The following RNF6 variants were observed in gnomAD, a reference collection of about 807,000 sequenced individuals.
RNF6 encodes the protein E3 ubiquitin-protein ligase RNF6.
In RNF6, 21 loss-of-function variants were observed where a neutral mutation model predicts 50.1. That is an observed-to-expected ratio of 0.42 (90% CI 0.30 to 0.60). The LOEUF is 0.60. Ranked by LOEUF, RNF6 falls within the 20% of genes least tolerant of loss-of-function variation. The probability of loss-of-function intolerance (pLI) is 0.20; values close to 1 mark genes in which losing one functional copy is unlikely to be tolerated. For synonymous variants in RNF6, 255 were observed against 291.8 expected, an observed-to-expected ratio of 0.87 and a Z score of 1.29; for missense variants, 698 against 838.2, an observed-to-expected ratio of 0.83 and a Z score of 2.07.
intron 5 of RNF6, among the ~76,000 whole-genome samples, chr13:26,201,270 G>A (rs963501630): frequency 2.0e-5 from 3 of 152,144 alleles, no homozygotes; most frequent in Admixed American, 6.5e-5. Context: ...GTGATTTCTC[G>A]TAAAGCTAGC....
At chr13:26,187,205 C>G (rs1424337544) in intron 5 of RNF6, among the ~76,000 whole-genome samples, 3 of 146,676 alleles carry the variant, frequency 2.0e-5, no homozygotes, top group Non-Finnish European at 4.6e-5. Flanking sequence ...TTGGGCGCCT[C>G]TGCTCCTGGC....
chr13:26,166,925 A>G (rs1267786717), intron 5 of RNF6, among the ~76,000 whole-genome samples: 1 of 152,236 alleles, frequency 6.6e-6, no homozygotes, highest in Non-Finnish European at 1.5e-5. Flanking sequence ...CTGTGTCTCA[A>G]AAACATCACT....
At chr13:26,219,315 A>G in intron 3 of RNF6, 142 bp downstream of exon 3, 1 of 693,476 alleles carries the variant, frequency 1.4e-6, no homozygotes, top group Non-Finnish European at 2.3e-6. Context: ...TTATTATACT[A>G]AAAAGTTCTT....
intron 5 of RNF6, among the ~76,000 whole-genome samples, chr13:26,193,474 A>C (rs564183054): frequency 7.6e-4 from 116 of 152,310 alleles, no homozygotes; most frequent in African/African-American, 2.7e-3. Flanking sequence ...AGGATTTAGA[A>C]ACCTGGTAGA....
chr13:26,160,535 C>CTTTTTTTTTTTTTTTTTT lies in RNF6; in HGVS notation n.769-28085_769-28084insAAAAAAAAAAAAAAAAAA, dbSNP rs1566414092. Reference sequence around the variant, plus strand: ...CACTGCATCCAGCCTATCTTCTTCTCTTCTTCTTCTTTTTTTTTTTTTTTT... The same window carrying CTTTTTTTTTTTTTTTTTT: ...CACTGCATCCAGCCTATCTTCTTCTCTTTTTTTTTTTTTTTTTTTTCTTCTTCTTTTTTTTTTTTTTTT... On this transcript the variant is annotated intron_variant and non_coding_transcript_variant, in intron 5 of 5. Transcript: ENST00000468480. 7.6e-5 allele frequency among the ~76,000 whole-genome samples: 2 copies of CTTTTTTTTTTTTTTTTTT among 26,264 alleles called. 1 individual carries two copies. Among genetic ancestry groups the CTTTTTTTTTTTTTTTTTT allele is most frequent in the African/African-American group, 2.7e-4 (2 of 7,508 alleles). The allele number at this position is 26,264 out of a possible 152,430, so 17.2% of individuals were successfully genotyped here. A position where few individuals can be genotyped will look rare whatever the true frequency, so the allele number is the denominator to read the frequency against.
In RNF6 at chr13:26,219,598, G is replaced by T. The variant is rs753763791; in HGVS notation, c.52C>A (p.Gln18Lys). The change falls in exon 3 of 5, where the codon CAA (glutamine) becomes AAA (lysine). Residue 18 changes from glutamine to lysine, a missense_variant. Transcript: ENST00000381588. The stretch of plus-strand genomic sequence containing the variant: ...TCATTTTCATGATGATTATGGTCTT[G>T]AGGTAAGGTTTCTTCACTGCCACCA... The part of the protein sequence containing the change: ...SDGGSEETLP[Q>K]DHNHHENERR... 6.2e-7 allele frequency: 1 copy of T among 1,613,768 alleles called. No individual in the cohort carries two copies. Among genetic ancestry groups the T allele is most frequent in the African/African-American group, 1.3e-5 (1 of 74,890 alleles).
intron 5 of RNF6, among the ~76,000 whole-genome samples, chr13:26,164,970 G>C (rs553444701): frequency 6.6e-6 from 1 of 152,120 alleles, no homozygotes; most frequent in Non-Finnish European, 1.5e-5. Context: ...ACAATGAGCC[G>C]AATGTTAATC....
chr13:26,213,978 CA>C lies in RNF6; in HGVS notation c.1903del (p.Cys635ValfsTer6). The C allele has an allele frequency of 3.1e-6, 5 of 1,614,170 alleles. No homozygotes were observed. Among genetic ancestry groups the C allele is most frequent in the Non-Finnish European group, 4.2e-6 (5 of 1,180,022 alleles). The part of the protein sequence containing the change: ...DSELGKICSV[C>X]ISDYVTGNKL... ...GTTTCCAGTTACATAGTCACTAATA[CA>C]AACACTACAGATTTTACCTAGTTCA... On this transcript the variant is annotated frameshift_variant, in exon 5 of 5. Coordinates refer to ENST00000381588, the MANE Select transcript of RNF6 (RefSeq NM_005977.4). LOFTEE classifies it high-confidence loss of function.
chr13:26,205,506 G>A (rs981896281), intron 5 of RNF6, among the ~76,000 whole-genome samples: 5 of 152,154 alleles, frequency 3.3e-5, no homozygotes, highest in African/African-American at 1.2e-4. Flanking sequence ...CCTCAGGTGG[G>A]TGTGGTAATT....
chr13:26,173,949 CA>C lies in RNF6; in HGVS notation n.769-41499del, dbSNP rs10674426. On this transcript the variant is annotated intron_variant and non_coding_transcript_variant, in intron 5 of 5. Coordinates refer to the RNF6 transcript ENST00000468480. ...CTGGCAACAGAGCGAGACTCCGTCTCAAAAAAAAAAAAAAAAGCAAAGAAAA... is the reference window on the plus strand; with the variant it reads ...CTGGCAACAGAGCGAGACTCCGTCTCAAAAAAAAAAAAAAAGCAAAGAAAA... Among the ~76,000 whole-genome samples, 252 of 117,908 alleles carry C rather than the reference CA, an allele frequency of 2.1e-3. 1 individual carries two copies. The highest frequency in any genetic ancestry group is 2.6e-3 in the African/African-American group (80 of 30,672). 77.4% of individuals were successfully genotyped at this position (117,908 alleles called of 152,430 possible).
chr13:26,178,345 G>A (rs1042994426), intron 5 of RNF6, among the ~76,000 whole-genome samples: 1 of 152,120 alleles, frequency 6.6e-6, no homozygotes, highest in Admixed American at 6.6e-5. Flanking sequence ...CCTTCTCACT[G>A]TGTCCTCATG....
At chr13:26,178,212 C>T (rs1265720077) in intron 5 of RNF6, among the ~76,000 whole-genome samples, 1 of 151,998 alleles carries the variant, frequency 6.6e-6, no homozygotes, top group African/African-American at 2.4e-5. Context: ...AAATAAAATC[C>T]CTTAATTGAG....
chr13:26,218,289 C>G (rs1870101830), intron 4 of RNF6, among the ~76,000 whole-genome samples: 1 of 152,116 alleles, frequency 6.6e-6, no homozygotes, highest in Non-Finnish European at 1.5e-5. Context: ...TTACATAAAG[C>G]TCTCTGAAGG....
At chr13:26,186,308 G>A (rs560138838) in intron 5 of RNF6, among the ~76,000 whole-genome samples, 1 of 152,370 alleles carries the variant, frequency 6.6e-6, no homozygotes, top group Non-Finnish European at 1.5e-5. Context: ...CAGGGCGCGT[G>A]GAGCTTTGAG....
At chr13:26,206,355 G>A (rs373806297) in intron 5 of RNF6, among the ~76,000 whole-genome samples, 1 of 152,210 alleles carries the variant, frequency 6.6e-6, no homozygotes. Context: ...AGCCACTGTG[G>A]TTAAGCAGAC....
At chr13:26,148,632 TTA>T (rs57373126) in intron 5 of RNF6, among the ~76,000 whole-genome samples, 1,143 of 47,028 alleles carry the variant, frequency 0.024, 19 homozygotes, top group African/African-American at 0.049. Context: ...ATAAATCTCT[TTA>T]TATATATATA....
intron 5 of RNF6, among the ~76,000 whole-genome samples, chr13:26,199,505 A>G (rs1868811807): frequency 6.6e-6 from 1 of 152,204 alleles, no homozygotes; most frequent in African/African-American, 2.4e-5. Context: ...AAAAGCATGG[A>G]CCAAAAAAGA....
At chr13:26,218,404 T>G (rs1870112344) in intron 4 of RNF6, 107 bp downstream of exon 4, 4 of 835,334 alleles carry the variant, frequency 4.8e-6, no homozygotes, top group Non-Finnish European at 8.1e-6. Context: ...AGTATCACAT[T>G]AAAACTGGAA....
chr13:26,149,805 C>T (rs991982881), intron 5 of RNF6, among the ~76,000 whole-genome samples: 2 of 147,090 alleles, frequency 1.4e-5, no homozygotes, highest in Non-Finnish European at 3.0e-5. Flanking sequence ...CAGCCATTAG[C>T]TTGTCTGTGC....
Sources: allele counts gnomAD v4.1 joint callset (sites outside exome capture counted in the v4.1 genomes callset), GRCh38; gene constraint gnomAD v4.1.1; transcripts MANE v1.5; gene names NCBI Gene and HGNC (gene_info 2026-07-23, HGNC 2026-07-21).